Variants in USP42 observed in about 807,000 individuals in gnomAD.
USP42 encodes ubiquitin carboxyl-terminal hydrolase 42.
Under a neutral mutation model 113.0 loss-of-function variants are expected in USP42, and 23 were observed. That is an observed-to-expected ratio of 0.20 (90% confidence interval 0.15 to 0.29). The LOEUF is 0.29. Among genes scored for constraint, USP42 ranks in the 10% least tolerant of loss-of-function variants. USP42 has a pLI of 1.00. For synonymous variants in USP42, 933 were observed against 699.0 expected, an observed-to-expected ratio of 1.33 and a Z score of -5.28; for missense variants, 2,174 against 1,779.8, an observed-to-expected ratio of 1.22 and a Z score of -3.99.
chr7:6,112,509 G>A (rs576627460), intron 2 of USP42, among the ~76,000 whole-genome samples: 3 of 151,960 alleles, frequency 2.0e-5, no homozygotes, highest in Non-Finnish European at 4.4e-5. Flanking sequence ...TTGTTATAAT[G>A]ATACAAATGT....
chr7:6,086,160 C>A, the USP42 span, among the ~76,000 whole-genome samples: 1 of 149,736 alleles, frequency 6.7e-6, no homozygotes, highest in East Asian at 1.9e-4. Flanking sequence ...CTCAGCCTCC[C>A]GAGTACCTGG....
chr7:6,156,618 G>A (rs1017727370), intron 15 of USP42, 136 bp from the exon 16 acceptor site: 19 of 1,349,528 alleles, frequency 1.4e-5, no homozygotes, highest in Middle Eastern at 5.1e-4. Context: ...CCTGGCCTAC[G>A]TGGCTAATTA....
At chr7:6,146,557 C>T (rs1040416019) in intron 11 of USP42, among the ~76,000 whole-genome samples, 6 of 151,838 alleles carry the variant, frequency 4.0e-5, no homozygotes, top group Non-Finnish European at 7.4e-5. Context: ...TTATCTGCTC[C>T]GAAAGTTGAG....
intron 3 of USP42, among the ~76,000 whole-genome samples, chr7:6,131,473 CAAAA>C (rs540815130): frequency 6.6e-6 from 1 of 151,256 alleles, no homozygotes; most frequent in Non-Finnish European, 1.5e-5. Context: ...GATGCTGTCT[CAAAA>C]AAAACAAACC....
At chr7:6,108,245 A>G (rs1297067502) in intron 1 of USP42, among the ~76,000 whole-genome samples, 1 of 152,168 alleles carries the variant, frequency 6.6e-6, no homozygotes, top group Admixed American at 6.6e-5. Flanking sequence ...ATGCTTTTAA[A>G]AAACAAATTT....
At chr7:6,143,078 G>T in intron 8 of USP42, 64 bp downstream of exon 8, 1 of 1,560,166 alleles carries the variant, frequency 6.4e-7, no homozygotes, top group South Asian at 1.1e-5. Context: ...CGGCAGGCTT[G>T]GTTTGAGAGA....
chr7:6,098,821 CAGGCATG>C, the USP42 span, among the ~76,000 whole-genome samples: 6 of 150,362 alleles, frequency 4.0e-5, 1 homozygote, highest in African/African-American at 1.5e-4. Context: ...GCTGGGATTA[CAGGCATG>C]AGCCACCATG....
intron 3 of USP42, among the ~76,000 whole-genome samples, chr7:6,131,741 G>T (rs1378799641): frequency 6.6e-6 from 1 of 152,090 alleles, no homozygotes; most frequent in Non-Finnish European, 1.5e-5. Context: ...TCTTCCTTGG[G>T]TCTTGAGGTC....
chr7:6,153,512 TAAAG>T (rs975689234), intron 14 of USP42, among the ~76,000 whole-genome samples: 1 of 152,106 alleles, frequency 6.6e-6, no homozygotes, highest in African/African-American at 2.4e-5. Context: ...GAGATGTATT[TAAAG>T]AGACGAAATA....
At chr7:6,133,177 A>G (rs1007269583) in intron 3 of USP42, among the ~76,000 whole-genome samples, 1 of 152,184 alleles carries the variant, frequency 6.6e-6, no homozygotes, top group Non-Finnish European at 1.5e-5. Flanking sequence ...TTTGAATATT[A>G]ATATAGACTC....
At chr7:6,131,193 A>G (rs765625379) in intron 3 of USP42, among the ~76,000 whole-genome samples, 11 of 152,120 alleles carry the variant, frequency 7.2e-5, no homozygotes, top group Non-Finnish European at 1.5e-4. Flanking sequence ...GATCTTTAGG[A>G]TGTCAAAACA....
At chr7:6,134,196 GT>G (rs1418761900) in intron 3 of USP42, among the ~76,000 whole-genome samples, 1 of 151,938 alleles carries the variant, frequency 6.6e-6, no homozygotes, top group African/African-American at 2.4e-5. Context: ...CAGCCACCAT[GT>G]TTCTTCTTAA....
chr7:6,148,496 C>G (rs187030669), intron 12 of USP42, among the ~76,000 whole-genome samples: 13 of 152,324 alleles, frequency 8.5e-5, no homozygotes, highest in African/African-American at 2.9e-4. Context: ...TTCTTTAATT[C>G]CTGTCGGATT....
rs1782610801 is a variant in USP42 at position 6,158,855 on chromosome 7, T to C, written c.3944-595T>C. On this transcript the variant is annotated intron_variant, in intron 16 of 17. Transcript: ENST00000306177. This position sits in a 1 kb window ranked among gnomAD's most constrained non-coding sequence, Gnocchi z 4.2. ...TCCAGCTGGGGCTACTGGGAGACAG[T>C]GATGGCCCCCGAGGCAGCTGGTCCA... Among the ~76,000 whole-genome samples the C allele has an allele frequency of 6.6e-6, 1 of 151,986 alleles. No homozygotes were observed. Among genetic ancestry groups the C allele is most frequent in the Non-Finnish European group, 1.5e-5 (1 of 67,992 alleles).
chr7:6,081,380 G>A, the USP42 span: 5 of 152,036 alleles, frequency 3.3e-5, no homozygotes, highest in Non-Finnish European at 5.9e-5. Flanking sequence ...GGTAGATGGC[G>A]GGCGGCGCAG....
At chr7:6,148,423 C>T (rs554206555) in intron 12 of USP42, among the ~76,000 whole-genome samples, 46 of 152,342 alleles carry the variant, frequency 3.0e-4, no homozygotes, top group African/African-American at 1.1e-3. Context: ...TGGGTGTCAG[C>T]ACCTTTAAAT....
intron 3 of USP42, among the ~76,000 whole-genome samples, chr7:6,125,412 C>A (rs1780480112): frequency 6.6e-6 from 1 of 152,072 alleles, no homozygotes; most frequent in African/African-American, 2.4e-5. Flanking sequence ...ATCGCTTGAA[C>A]CTTGGAAGCG....
chr7:6,107,539 A>G (rs1779359950), intron 1 of USP42, among the ~76,000 whole-genome samples: 1 of 151,194 alleles, frequency 6.6e-6, no homozygotes, highest in Non-Finnish European at 1.5e-5. Context: ...CCTCCCGAGT[A>G]GCTGGGATTA....
chr7:6,111,454 G>A (rs1779592567), intron 2 of USP42, 80 bp downstream of exon 2: 4 of 1,529,376 alleles, frequency 2.6e-6, no homozygotes, highest in East Asian at 2.3e-5. Context: ...TCAGAGAGGG[G>A]CTTATTTTGC....
Sources: allele counts gnomAD v4.1 joint callset (sites outside exome capture counted in the v4.1 genomes callset), GRCh38; gene constraint gnomAD v4.1.1; non-coding constraint Gnocchi (gnomAD v3.1); transcripts MANE v1.5; gene names NCBI Gene and HGNC (gene_info 2026-07-23, HGNC 2026-07-21).